FOXN3: variants seen among roughly 807,000 people sequenced by gnomAD.
The protein encoded by FOXN3 is forkhead box protein N3.
A neutral mutation model predicts 38.4 loss-of-function variants in FOXN3; 7 were observed. That is an observed-to-expected ratio of 0.18 (90% CI 0.10 to 0.34). The LOEUF (loss-of-function observed/expected upper bound fraction) is 0.34, where lower values mean the gene tolerates loss of function less well. Among genes scored for constraint, FOXN3 ranks in the 10% least tolerant of loss-of-function variants. The pLI is 1.00. For missense variants in FOXN3, 456 were observed against 613.4 expected, an observed-to-expected ratio of 0.74 and a Z score of 2.71; for synonymous variants, 230 against 242.2, an observed-to-expected ratio of 0.95 and a Z score of 0.47.
intron 1 of FOXN3, among the ~76,000 whole-genome samples, chr14:89,511,137 TTTCTTTTCTTTC>T (rs1474211215): frequency 4.0e-5 from 1 of 24,852 alleles, no homozygotes; most frequent in East Asian, 5.5e-4. Flanking sequence ...TCTTTCTTTC[TTTCTTTTCTTTC>T]TTTCTTTCTT....
At chr14:89,505,968 C>T (rs1275792006) in intron 1 of FOXN3, among the ~76,000 whole-genome samples, 3 of 150,990 alleles carry the variant, frequency 2.0e-5, no homozygotes, top group South Asian at 2.1e-4. Context: ...GCAACCGCCC[C>T]GTCTGAGAAG....
At chr14:89,421,818 C>T (rs112765565), upstream of FOXN3, among the ~76,000 whole-genome samples, 105 of 152,204 alleles carry the variant, frequency 6.9e-4, 1 homozygote, top group African/African-American at 2.3e-3. Flanking sequence ...CGCGAGCCAC[C>T]GTGCTGGGCC....
chr14:89,459,892 C>T (rs546505100), intron 1 of FOXN3, among the ~76,000 whole-genome samples: 11 of 152,086 alleles, frequency 7.2e-5, no homozygotes, highest in Non-Finnish European at 1.3e-4. Context: ...CTGTGAGGTA[C>T]ATATGTGCGT....
At chr14:89,459,058 T>C (rs1282276020) in intron 1 of FOXN3, among the ~76,000 whole-genome samples, 1 of 152,184 alleles carries the variant, frequency 6.6e-6, no homozygotes, top group East Asian at 1.9e-4. Context: ...CTCAACACTT[T>C]GGTCTGTGAA....
intron 3 of FOXN3, among the ~76,000 whole-genome samples, chr14:89,289,187 A>AC (rs1214746962): frequency 1.5e-5 from 1 of 67,978 alleles, no homozygotes; most frequent in Non-Finnish European, 2.9e-5. Flanking sequence ...GTCTCAAAAA[A>AC]AAAAAAAAAA....
chr14:89,200,247 T>C (rs950897240), intron 4 of FOXN3, among the ~76,000 whole-genome samples: 2 of 152,158 alleles, frequency 1.3e-5, no homozygotes, highest in South Asian at 2.1e-4. Context: ...TGAGGAACAG[T>C]ATCACAGTGA....
chr14:89,569,690 T>G (rs371597041), intron 1 of FOXN3, among the ~76,000 whole-genome samples: 25 of 152,296 alleles, frequency 1.6e-4, no homozygotes, highest in African/African-American at 6.0e-4. Context: ...AATGAAAAAC[T>G]AGTTGCTGCC....
At chr14:89,254,594 T>C (rs1359443108) in intron 4 of FOXN3, among the ~76,000 whole-genome samples, 3 of 152,140 alleles carry the variant, frequency 2.0e-5, no homozygotes, top group Non-Finnish European at 4.4e-5. Context: ...TTTCCTGATT[T>C]TTAAGTAGTG....
At chr14:89,579,392 G>A (rs758149849) in intron 1 of FOXN3, among the ~76,000 whole-genome samples, 7 of 151,974 alleles carry the variant, frequency 4.6e-5, no homozygotes, top group Non-Finnish European at 7.4e-5. Context: ...CTGGCCTCAA[G>A]TGATCCTCCT....
intron 3 of FOXN3, chr14:89,290,994 G>C (rs543649045): frequency 2.3e-6 from 1 of 430,160 alleles, no homozygotes; most frequent in Admixed American, 2.4e-5. Context: ...TCTGCTCCAC[G>C]TGAGGCCCGT....
intron 3 of FOXN3, among the ~76,000 whole-genome samples, chr14:89,306,157 A>T (rs1887363068): frequency 1.3e-5 from 2 of 152,160 alleles, no homozygotes; most frequent in African/African-American, 2.4e-5. Flanking sequence ...CTCTGTGTGG[A>T]GAAGAGTTTT....
intron 1 of FOXN3, among the ~76,000 whole-genome samples, chr14:89,587,863 CTCAG>C (rs1317996973): frequency 1.4e-5 from 1 of 71,740 alleles, no homozygotes; most frequent in Admixed American, 2.3e-4. Context: ...AAGACTCTGT[CTCAG>C]AAAAAAAAAA....
intron 3 of FOXN3, among the ~76,000 whole-genome samples, chr14:89,338,276 A>G (rs2139995349): frequency 6.6e-6 from 1 of 152,326 alleles, no homozygotes; most frequent in South Asian, 2.1e-4. Context: ...CAGAGCAACT[A>G]AAGGAAAATA....
Position 89,511,268 on chromosome 14 carries a change from TTTCTTTCTTTC to T in FOXN3, c.-14-98789_-14-98779del, listed in dbSNP as rs1894083543. On this transcript the variant is annotated intron_variant, in intron 1 of 6. Transcript: ENST00000345097. The stretch of plus-strand genomic sequence containing the variant: ...TTTCTTTTCTTTCTTTCTTTCTTTC[TTTCTTTCTTTC>T]TTTCTTTCTTTCTTTCTTTCTTTCT... Among the ~76,000 whole-genome samples, 5 of 34,224 alleles carry T rather than the reference TTTCTTTCTTTC, an allele frequency of 1.5e-4. 2 individuals carry two copies. The highest frequency in any genetic ancestry group is 3.6e-4 in the African/African-American group (5 of 13,784). 22.5% of individuals were successfully genotyped at this position (34,224 alleles called of 152,430 possible).
upstream of FOXN3, among the ~76,000 whole-genome samples, chr14:89,418,412 A>ACCCC (rs77366418): frequency 5.6e-5 from 4 of 71,968 alleles, no homozygotes; most frequent in African/African-American, 2.0e-4. Flanking sequence ...CAAAAAATAG[A>ACCCC]CCCCCCCCCC....
upstream of FOXN3, chr14:89,419,081 C>A: frequency 1.8e-5 from 8 of 455,550 alleles, no homozygotes; most frequent in South Asian, 1.2e-4. Flanking sequence ...GGTGATTGTA[C>A]ATGGAATATG....
chr14:89,605,495 G>T (rs563284536), intron 1 of FOXN3, among the ~76,000 whole-genome samples: 4 of 151,840 alleles, frequency 2.6e-5, no homozygotes, highest in Non-Finnish European at 5.9e-5. Context: ...TATGGAAGAG[G>T]CAGGAAAAAT....
intron 3 of FOXN3, chr14:89,290,579 T>C (rs889335950): frequency 3.6e-6 from 2 of 557,094 alleles, no homozygotes; most frequent in African/African-American, 1.9e-5. Flanking sequence ...GCTCAGTCTC[T>C]GAAATCACAA....
chr14:89,293,166 T>C (rs1198804917), intron 3 of FOXN3, among the ~76,000 whole-genome samples: 1 of 152,152 alleles, frequency 6.6e-6, no homozygotes, highest in Admixed American at 6.5e-5. Context: ...TGCTGGAGGG[T>C]ATCTCCAGCG....
Sources: gnomAD v4.1 joint callset for allele counts (sites outside exome capture counted in the v4.1 genomes callset) on GRCh38, gnomAD v4.1.1 for gene constraint, MANE v1.5 for transcripts, NCBI Gene and HGNC (gene_info 2026-07-23, HGNC 2026-07-21) for gene names.